Variants in KSR2 observed in about 807,000 individuals in gnomAD.
KSR2 encodes the protein kinase suppressor of ras 2.
In KSR2, 25 loss-of-function variants were observed where a neutral mutation model predicts 107.8. The ratio of observed to expected loss-of-function variants is 0.23; its 90% CI spans 0.17 to 0.32. KSR2 has a LOEUF of 0.32. KSR2 is among the 10% of genes least tolerant of loss of function. The pLI is 1.00. For missense variants in KSR2, 887 were observed against 1,268.9 expected (o/e 0.70, Z 4.57); for synonymous variants, 480 against 507.0 (o/e 0.95, Z 0.71).
intron 4 of KSR2, among the ~76,000 whole-genome samples, chr12:117,720,082 A>G (rs1887147056): frequency 6.6e-6 from 1 of 152,178 alleles, no homozygotes; most frequent in Admixed American, 6.5e-5. Flanking sequence ...AGCATTTCTC[A>G]TTTCTTATTC....
chr12:117,688,966 T>C (rs1451515339), intron 4 of KSR2, among the ~76,000 whole-genome samples: 2 of 152,094 alleles, frequency 1.3e-5, no homozygotes, highest in African/African-American at 2.4e-5. Flanking sequence ...ATTACACACA[T>C]AGTAGGTATT....
chr12:117,519,831 A>C (rs1223565983), intron 14 of KSR2, among the ~76,000 whole-genome samples: 1 of 151,372 alleles, frequency 6.6e-6, no homozygotes, highest in Non-Finnish European at 1.5e-5. Context: ...CTGGTGCCAC[A>C]GGAATTTACA....
At chr12:117,884,657 T>C (rs1263200969) in intron 1 of KSR2, among the ~76,000 whole-genome samples, 3 of 152,228 alleles carry the variant, frequency 2.0e-5, no homozygotes, top group African/African-American at 7.2e-5. Context: ...CAAGTTGTTA[T>C]ACCTTTATGA....
chr12:117,494,211 C>A (rs1339757001), intron 14 of KSR2, among the ~76,000 whole-genome samples: 1 of 152,120 alleles, frequency 6.6e-6, no homozygotes, highest in Non-Finnish European at 1.5e-5. Flanking sequence ...ATAACAGCTT[C>A]TATGGGGGTC....
chr12:117,656,764 C>T (rs1884173567), intron 5 of KSR2, among the ~76,000 whole-genome samples: 1 of 151,774 alleles, frequency 6.6e-6, no homozygotes, highest in South Asian at 2.1e-4. Flanking sequence ...ACATCTTTCT[C>T]CCTTGCTGGA....
chr12:117,738,661 G>A (rs530208800), intron 4 of KSR2, among the ~76,000 whole-genome samples: 3 of 151,876 alleles, frequency 2.0e-5, no homozygotes, highest in Non-Finnish European at 2.9e-5. Flanking sequence ...GATTACTTGA[G>A]GTCAGGAGTT....
chr12:117,626,504 G>C (rs543168496), intron 5 of KSR2, among the ~76,000 whole-genome samples: 3 of 152,302 alleles, frequency 2.0e-5, no homozygotes, highest in Admixed American at 2.0e-4. Context: ...TTTCCATGTA[G>C]TTGTGCAGTT....
intron 4 of KSR2, among the ~76,000 whole-genome samples, chr12:117,738,344 C>T (rs537076696): frequency 6.6e-6 from 1 of 152,148 alleles, no homozygotes; most frequent in Non-Finnish European, 1.5e-5. Context: ...CCAAGAAACG[C>T]ACCGTTAGAG....
Position 117,968,379 on chromosome 12 carries a change from A to G in KSR2, c.-124T>C, listed in dbSNP as rs1165494653. On this transcript the variant is annotated 5_prime_UTR_variant, in exon 1 of 20. Transcript: ENST00000339824. ...GACTTCTCAACAATGTCTCATGAAGAAGAAATCCAACATCTCACACAGGGT... is the reference window on the plus strand; with the variant it reads ...GACTTCTCAACAATGTCTCATGAAGGAGAAATCCAACATCTCACACAGGGT... The G allele has an allele frequency of 7.2e-7, 1 of 1,384,612 alleles. No individual in the cohort carries two copies. Among genetic ancestry groups the G allele is most frequent in the East Asian group, 2.8e-5 (1 of 36,038 alleles). The allele number at this position is 1,384,612 out of a possible 1,614,324, so 85.8% of individuals were successfully genotyped here. A position where few individuals can be genotyped will look rare whatever the true frequency, so the allele number is the denominator to read the frequency against.
intron 17 of KSR2, among the ~76,000 whole-genome samples, chr12:117,472,221 G>T (rs1871503624): frequency 6.6e-6 from 1 of 152,174 alleles, no homozygotes. Flanking sequence ...ACAACTCCAT[G>T]CTAGGATTAT....
intron 3 of KSR2, among the ~76,000 whole-genome samples, chr12:117,772,611 AT>A: frequency 6.7e-6 from 1 of 148,578 alleles, no homozygotes; most frequent in South Asian, 2.2e-4. Context: ...ACACACACAC[AT>A]ACACACCATT....
At chr12:117,746,621 A>G (rs1188138615) in intron 4 of KSR2, among the ~76,000 whole-genome samples, 1 of 152,190 alleles carries the variant, frequency 6.6e-6, no homozygotes, top group Non-Finnish European at 1.5e-5. Context: ...ACAGCAAAAG[A>G]AACTAGCATC....
chr12:117,579,495 G>A (rs116820149), intron 6 of KSR2, among the ~76,000 whole-genome samples: 2,043 of 152,280 alleles, frequency 0.013, 41 homozygotes, highest in African/African-American at 0.047. Context: ...GATAAATTGG[G>A]TTGTGACTAT....
chr12:117,511,267 T>C (rs992494087), intron 14 of KSR2, among the ~76,000 whole-genome samples: 8 of 152,248 alleles, frequency 5.3e-5, no homozygotes, highest in Non-Finnish European at 8.8e-5. Flanking sequence ...AACTCTGATG[T>C]GGAAGAACAT....
intron 14 of KSR2, among the ~76,000 whole-genome samples, chr12:117,501,195 T>G (rs1025621684): frequency 6.6e-6 from 1 of 152,236 alleles, no homozygotes; most frequent in African/African-American, 2.4e-5. Context: ...ATAGTAAAGT[T>G]TGATTGGAAG....
intron 1 of KSR2, among the ~76,000 whole-genome samples, chr12:117,876,171 C>T (rs1035875745): frequency 3.9e-5 from 6 of 152,242 alleles, no homozygotes; most frequent in African/African-American, 1.2e-4. Context: ...GACGCCTTCC[C>T]GCCGTTGCCA....
At chr12:117,676,730 A>G (rs1885139340) in intron 4 of KSR2, among the ~76,000 whole-genome samples, 1 of 152,198 alleles carries the variant, frequency 6.6e-6, no homozygotes, top group Non-Finnish European at 1.5e-5. Context: ...ACCGTTTTTG[A>G]AAAATGACTT....
intron 3 of KSR2, among the ~76,000 whole-genome samples, chr12:117,778,557 G>C (rs1009445419): frequency 2.6e-5 from 4 of 152,196 alleles, no homozygotes; most frequent in Admixed American, 6.5e-5. Context: ...AGAAATGAAG[G>C]CCTGGTGACC....
At chr12:117,558,639 GTGGATGAA>G in intron 7 of KSR2, 66 bp from the exon 8 acceptor site, 1 of 1,164,524 alleles carries the variant, frequency 8.6e-7, no homozygotes, top group Admixed American at 1.7e-5. Context: ...AGGTGGGTGG[GTGGATGAA>G]TGGATGGATG....
Sources: allele counts gnomAD v4.1 joint callset (sites outside exome capture counted in the v4.1 genomes callset), GRCh38; gene constraint gnomAD v4.1.1; transcripts MANE v1.5; gene names NCBI Gene and HGNC (gene_info 2026-07-23, HGNC 2026-07-21).